The following UBTD2 variants were observed in gnomAD, a reference collection of about 807,000 sequenced individuals.
UBTD2 encodes ubiquitin domain containing 2.
In UBTD2, 9 loss-of-function variants were observed where a neutral mutation model predicts 19.8. The observed-to-expected ratio is 0.46, with a 90% CI of 0.27 to 0.79. The LOEUF (loss-of-function observed/expected upper bound fraction) is 0.79, where lower values mean the gene tolerates loss of function less well. Among genes scored for constraint, UBTD2 ranks in the 30% least tolerant of loss-of-function variants. UBTD2 has a pLI of 0.14. For synonymous variants in UBTD2, 98 were observed against 103.9 expected (o/e 0.94, Z 0.35); for missense variants, 250 against 300.4 (o/e 0.83, Z 1.24).
At chr5:172,260,183 C>A (rs1003172439) in intron 1 of UBTD2, among the ~76,000 whole-genome samples, 26 of 151,126 alleles carry the variant, frequency 1.7e-4, no homozygotes, top group Admixed American at 6.7e-4. Flanking sequence ...GCAAAAATAA[C>A]CTGCCAATGT....
chr5:172,248,796 G>A (rs1387340050), intron 1 of UBTD2, among the ~76,000 whole-genome samples: 1 of 151,616 alleles, frequency 6.6e-6, no homozygotes, highest in Non-Finnish European at 1.5e-5. Context: ...AAGATTAGTT[G>A]GGTGTGGTGG....
Position 172,283,682 on chromosome 5 carries a change from T to TC in UBTD2, c.-18dup. On this transcript the variant is annotated 5_prime_UTR_variant, in exon 1 of 3. Transcript: ENST00000393792. This position sits in a 1 kb window ranked among gnomAD's most constrained non-coding sequence, Gnocchi z 4.3. ...CCCGCCCATGGGGGCCCCCGGCGCC[T>TC]CGTCCGCCACCTCCGGACGCTCGTC... 2.4e-6 allele frequency: 3 copies of TC among 1,229,432 alleles called. No individual in the cohort carries two copies. Among genetic ancestry groups the TC allele is most frequent in the Non-Finnish European group, 3.1e-6 (3 of 983,240 alleles). The allele number at this position is 1,229,432 out of a possible 1,614,324, so 76.2% of individuals were successfully genotyped here.
In UBTD2 at chr5:172,223,586, C is replaced by CAAAA. The variant is rs577474758; in HGVS notation, c.307+10532_307+10535dup. ...TGCACTCCAGCCTGGGCGACGGAGT[C>CAAAA]AAAAAAAAAAAAAAAAAAAAAAAAA... On this transcript the variant is annotated intron_variant, in intron 2 of 2. Coordinates refer to ENST00000393792, the MANE Select transcript of UBTD2 (RefSeq NM_152277.3). Among the ~76,000 whole-genome samples, 53 of 33,126 alleles carry CAAAA rather than the reference C, an allele frequency of 1.6e-3. 6 individuals are homozygous for CAAAA. Among genetic ancestry groups the CAAAA allele is most frequent in the African/African-American group, 1.8e-3 (14 of 7,662 alleles). The allele number at this position is 33,126 out of a possible 152,430, so 21.7% of individuals were successfully genotyped here. A position where few individuals can be genotyped will look rare whatever the true frequency, so the allele number is the denominator to read the frequency against.
At chr5:172,225,615 T>C (rs1771748540) in intron 2 of UBTD2, among the ~76,000 whole-genome samples, 1 of 152,192 alleles carries the variant, frequency 6.6e-6, no homozygotes, top group Admixed American at 6.5e-5. Flanking sequence ...ATGAACAGGT[T>C]TGTAAAAGTT....
chr5:172,217,175 G>A (rs1226241080), intron 2 of UBTD2, among the ~76,000 whole-genome samples: 10 of 152,006 alleles, frequency 6.6e-5, no homozygotes, highest in Admixed American at 6.5e-4. Flanking sequence ...ACTTTGGGAG[G>A]CCAAGGTGGG....
At chr5:172,244,063 C>T (rs1772187363) in intron 1 of UBTD2, among the ~76,000 whole-genome samples, 1 of 151,858 alleles carries the variant, frequency 6.6e-6, no homozygotes, top group Admixed American at 6.6e-5. Context: ...CTATTTGGGC[C>T]CATGCCTAAT....
intron 1 of UBTD2, chr5:172,255,423 C>A: frequency 2.0e-6 from 1 of 496,814 alleles, no homozygotes; most frequent in Non-Finnish European, 4.1e-6. Flanking sequence ...GGAACTGGGT[C>A]AAACATGAGC....
chr5:172,262,757 G>T (rs1357706973), intron 1 of UBTD2, among the ~76,000 whole-genome samples: 2 of 152,126 alleles, frequency 1.3e-5, no homozygotes, highest in African/African-American at 4.8e-5. Context: ...GGAGGTTGCA[G>T]TAGGCCAAGA....
At chr5:172,215,568 A>C (rs371907183) in intron 2 of UBTD2, among the ~76,000 whole-genome samples, 3 of 152,210 alleles carry the variant, frequency 2.0e-5, no homozygotes, top group Non-Finnish European at 4.4e-5. Context: ...AGATGTACCA[A>C]AAGGCAAAAA....
At chr5:172,247,013 C>T (rs549772806) in intron 1 of UBTD2, among the ~76,000 whole-genome samples, 28 of 151,998 alleles carry the variant, frequency 1.8e-4, no homozygotes, top group African/African-American at 6.3e-4. Context: ...CTCAGCCTCC[C>T]AAAGTGCTGG....
At chr5:172,223,879 G>C (rs1167883712) in intron 2 of UBTD2, among the ~76,000 whole-genome samples, 1 of 152,140 alleles carries the variant, frequency 6.6e-6, no homozygotes, top group Non-Finnish European at 1.5e-5. Flanking sequence ...ACAAAAGACA[G>C]AGGACAAATA....
At position 172,234,117 on chromosome 5, in the gene UBTD2, C is replaced by A; in HGVS notation, c.307+5G>T. On this transcript the variant is annotated splice_donor_5th_base_variant and intron_variant, in intron 2 of 2. Transcript: ENST00000393792. Reference sequence around the variant, plus strand: ...TCCTCTGTCCTTGAGGAACACCAAACCTACCATGTGGTAATGTTATGTTTG... The same window carrying A: ...TCCTCTGTCCTTGAGGAACACCAAAACTACCATGTGGTAATGTTATGTTTG... The A allele has an allele frequency of 6.2e-7, 1 of 1,613,854 alleles. No homozygotes were observed. Among genetic ancestry groups the A allele is most frequent in the Non-Finnish European group, 8.5e-7 (1 of 1,179,764 alleles).
At chr5:172,238,903 T>C (rs1772065690) in intron 1 of UBTD2, among the ~76,000 whole-genome samples, 2 of 152,148 alleles carry the variant, frequency 1.3e-5, no homozygotes, top group African/African-American at 4.8e-5. Flanking sequence ...ACTGGAAGCA[T>C]CAGTTTCCAT....
chr5:172,213,182 G>A (rs1284497452), intron 2 of UBTD2, among the ~76,000 whole-genome samples: 3 of 135,630 alleles, frequency 2.2e-5, no homozygotes, highest in Middle Eastern at 5.3e-3. Context: ...GGAGAGACAG[G>A]GTCTCACCAT....
At chr5:172,231,278 G>C (rs1020046723) in intron 2 of UBTD2, among the ~76,000 whole-genome samples, 2 of 152,130 alleles carry the variant, frequency 1.3e-5, no homozygotes. Context: ...AGTCAATCAA[G>C]GGCATCAGTG....
At chr5:172,251,327 G>GAAAAAAAAAAAAAAA (rs1554129191) in intron 1 of UBTD2, among the ~76,000 whole-genome samples, 1 of 104,802 alleles carries the variant, frequency 9.5e-6, no homozygotes, top group African/African-American at 3.7e-5. Context: ...AAAAAAAAAA[G>GAAAAAAAAAAAAAAA]AAAATAGCCA....
intron 1 of UBTD2, among the ~76,000 whole-genome samples, chr5:172,239,163 GT>G (rs1301916234): frequency 6.6e-6 from 1 of 152,120 alleles, no homozygotes; most frequent in African/African-American, 2.4e-5. Context: ...CTTCTCTACT[GT>G]TTGAGAATTT....
chr5:172,272,973 A>T (rs1441441771), intron 1 of UBTD2, among the ~76,000 whole-genome samples: 1 of 152,150 alleles, frequency 6.6e-6, no homozygotes, highest in African/African-American at 2.4e-5. Context: ...GCTACTCGGG[A>T]GGCTGAGGCA....
intron 2 of UBTD2, among the ~76,000 whole-genome samples, chr5:172,221,574 A>G (rs1373767535): frequency 1.5e-4 from 23 of 152,208 alleles, no homozygotes; most frequent in Admixed American, 1.5e-3. Context: ...AATGCATATT[A>G]GTTAACTGAA....
Sources: gnomAD v4.1 joint callset for allele counts (sites outside exome capture counted in the v4.1 genomes callset) on GRCh38, gnomAD v4.1.1 for gene constraint, Gnocchi (gnomAD v3.1) non-coding constraint, MANE v1.5 for transcripts, NCBI Gene and HGNC (gene_info 2026-07-23, HGNC 2026-07-21) for gene names.